Variants in FLT3 observed in about 807,000 individuals in gnomAD.
The protein encoded by FLT3 is fms related receptor tyrosine kinase 3, also known as receptor-type tyrosine-protein kinase FLT3.
FLT3 carries 46 observed loss-of-function variants against 126.6 expected under a neutral mutation model. The observed-to-expected ratio is 0.36, with a 90% CI of 0.29 to 0.46. The LOEUF is 0.46. Ranked by LOEUF, FLT3 falls within the 20% of genes least tolerant of loss-of-function variation. FLT3 has a pLI of 1.00. For missense variants in FLT3, 1,069 were observed against 1,190.3 expected, an observed-to-expected ratio of 0.90 and a Z score of 1.50; for synonymous variants, 404 against 434.4, an observed-to-expected ratio of 0.93 and a Z score of 0.87.
Position 28,050,139 on chromosome 13 carries a change from G to C in FLT3, c.698C>G (p.Ala233Gly). The C allele has an allele frequency of 1.9e-6, 3 of 1,614,022 alleles. No individual in the cohort carries two copies. Among genetic ancestry groups the C allele is most frequent in the Non-Finnish European group, 2.5e-6 (3 of 1,179,920 alleles). ...GCATTCCCTGCCCAGTTCATTTCTG[G>C]CACAGCACCTTATGTCCGTCCCAAA... ...ELFGTDIRCC[A>G]RNELGRECTR... is the part of the protein sequence containing the mutation. The change falls in exon 6 of 24, where the codon GCC (alanine) becomes GGC (glycine). Residue 233 changes from alanine (A) to glycine (G), a missense_variant. Ala to Gly is a moderately conservative substitution (Grantham distance 60). Coordinates refer to ENST00000241453, the MANE Select transcript of FLT3 (RefSeq NM_004119.3).
chr13:28,069,628 C>A (rs1877329380), intron 2 of FLT3, among the ~76,000 whole-genome samples: 1 of 152,102 alleles, frequency 6.6e-6, no homozygotes, highest in African/African-American at 2.4e-5. Context: ...TCCATGGATA[C>A]AACCAACCAC....
intron 19 of FLT3, 55 bp downstream of exon 19, chr13:28,023,295 A>T: frequency 6.5e-7 from 1 of 1,539,188 alleles, no homozygotes; most frequent in Non-Finnish European, 8.9e-7. Flanking sequence ...AACATATATA[A>T]GCACATCTTT....
At chr13:28,032,631 A>ATTTTGTG (rs1329963442) in intron 15 of FLT3, among the ~76,000 whole-genome samples, 1 of 152,080 alleles carries the variant, frequency 6.6e-6, no homozygotes, top group African/African-American at 2.4e-5. Flanking sequence ...CAACAACAAA[A>ATTTTGTG]GCTGGATGGA....
In FLT3 at chr13:28,036,057, C is replaced by T. The variant is rs753540050; in HGVS notation, c.1310-14G>A. 7.5e-6 allele frequency: 12 copies of T among 1,606,784 alleles called. No homozygotes were observed. The highest frequency in any genetic ancestry group is 2.2e-5 in the East Asian group (1 of 44,868). ...CTTGAGGTTTCCCTATAGAAAAGAA[C>T]GTGTGAAATAAGCTCACTGGCTGGG... is the stretch of plus-strand genomic sequence containing the variant. On this transcript the variant is annotated splice_polypyrimidine_tract_variant and intron_variant, in intron 10 of 23. Transcript: ENST00000241453.
intron 15 of FLT3, among the ~76,000 whole-genome samples, chr13:28,033,465 A>G (rs773624967): frequency 6.6e-6 from 1 of 152,138 alleles, no homozygotes; most frequent in Non-Finnish European, 1.5e-5. Flanking sequence ...GGAGTCCCAG[A>G]TCAGCCTAGG....
chr13:28,043,485 T>C (rs1874567465), intron 9 of FLT3, among the ~76,000 whole-genome samples: 1 of 152,096 alleles, frequency 6.6e-6, no homozygotes, highest in Admixed American at 6.5e-5. Flanking sequence ...TTTTCAGGGG[T>C]AGTGTTATTA....
intron 1 of FLT3, among the ~76,000 whole-genome samples, chr13:28,087,000 TTC>T (rs1367164043): frequency 5.9e-5 from 9 of 152,176 alleles, no homozygotes; most frequent in African/African-American, 2.2e-4. Flanking sequence ...TAGTGATTGT[TTC>T]TTTCAGTTTT....
chr13:28,097,822 C>G (rs1280207660), intron 1 of FLT3, among the ~76,000 whole-genome samples: 2 of 152,160 alleles, frequency 1.3e-5, no homozygotes, highest in African/African-American at 4.8e-5. Context: ...AGAATGGCAA[C>G]TCAAATGTGC....
intron 19 of FLT3, among the ~76,000 whole-genome samples, chr13:28,019,389 G>GTTT (rs1282633509): frequency 2.7e-4 from 41 of 152,272 alleles, no homozygotes; most frequent in African/African-American, 7.0e-4. Flanking sequence ...GAATTAGAAG[G>GTTT]AGTCCCTGAG....
At chr13:28,076,976 G>A (rs113333944) in intron 1 of FLT3, among the ~76,000 whole-genome samples, 10 of 121,878 alleles carry the variant, frequency 8.2e-5, no homozygotes, top group Non-Finnish European at 1.6e-4. Context: ...GGAAGGGAGG[G>A]AGGAAGGGAG....
chr13:28,040,894 G>A (rs1447349215), intron 9 of FLT3, among the ~76,000 whole-genome samples: 1 of 151,144 alleles, frequency 6.6e-6, no homozygotes, highest in African/African-American at 2.4e-5. Flanking sequence ...CAGCTACTTG[G>A]GAGGCCGAGG....
At chr13:28,053,625 C>G (rs962412767) in intron 4 of FLT3, among the ~76,000 whole-genome samples, 1 of 152,020 alleles carries the variant, frequency 6.6e-6, no homozygotes, top group Non-Finnish European at 1.5e-5. Flanking sequence ...ATATGTGGCA[C>G]TAAACAATAT....
At chr13:28,039,676 G>A (rs1424083695) in intron 9 of FLT3, among the ~76,000 whole-genome samples, 1 of 151,126 alleles carries the variant, frequency 6.6e-6, no homozygotes, top group Non-Finnish European at 1.5e-5. Flanking sequence ...AGCCTCCCAA[G>A]TAGCTGGGAT....
At chr13:28,025,191 A>G in intron 17 of FLT3, 1 of 512,828 alleles carries the variant, frequency 1.9e-6, no homozygotes, top group Non-Finnish European at 3.5e-6. Context: ...ACCTCACTCA[A>G]TCCTTGCCAC....
intron 1 of FLT3, among the ~76,000 whole-genome samples, chr13:28,086,619 C>CGTGTGTGTGTATGTGTGTGT (rs1555262638): frequency 2.2e-5 from 3 of 134,834 alleles, no homozygotes; most frequent in South Asian, 4.9e-4. Context: ...CTGAAGAACT[C>CGTGTGTGTGTATGTGTGTGT]GTGTGTGTGT....
chr13:28,096,785 G>A (rs774243794), intron 1 of FLT3, among the ~76,000 whole-genome samples: 36 of 152,056 alleles, frequency 2.4e-4, no homozygotes, highest in Non-Finnish European at 3.4e-4. Context: ...TGTGTTGGAA[G>A]GTTTAATAAA....
At chr13:28,019,159 G>A (rs990624003) in intron 19 of FLT3, among the ~76,000 whole-genome samples, 2 of 152,004 alleles carry the variant, frequency 1.3e-5, no homozygotes, top group Non-Finnish European at 1.5e-5. Context: ...TAGAGACGGC[G>A]TTTCGCCATG....
chr13:28,032,567 A>C (rs1873441374), intron 15 of FLT3, among the ~76,000 whole-genome samples: 1 of 152,156 alleles, frequency 6.6e-6, no homozygotes, highest in African/African-American at 2.4e-5. Flanking sequence ...CTGAGATCAC[A>C]CCACTGCACT....
intron 1 of FLT3, among the ~76,000 whole-genome samples, chr13:28,085,043 G>A (rs1016203771): frequency 4.6e-5 from 7 of 151,048 alleles, no homozygotes; most frequent in African/African-American, 1.7e-4. Context: ...CTTGGTAAGT[G>A]TGCACCTGAA....
Sources: allele counts gnomAD v4.1 joint callset (sites outside exome capture counted in the v4.1 genomes callset), GRCh38; gene constraint gnomAD v4.1.1; transcripts MANE v1.5; gene names NCBI Gene and HGNC (gene_info 2026-07-23, HGNC 2026-07-21).